The following IFT74 variants were observed in gnomAD, a reference collection of about 807,000 sequenced individuals.
The protein encoded by IFT74 is intraflagellar transport 74, also known as intraflagellar transport protein 74 homolog.
In IFT74, 92 loss-of-function variants were observed where a neutral mutation model predicts 96.7. That is an observed-to-expected ratio of 0.95 (90% confidence interval 0.80 to 1.13). The LOEUF (loss-of-function observed/expected upper bound fraction) is 1.13. Among genes scored for constraint, IFT74 ranks in the 50% most tolerant of loss-of-function variants. The pLI, the probability that IFT74 is intolerant of heterozygous loss-of-function variation, is 0.00. For missense variants in IFT74, 811 were observed against 698.2 expected (o/e 1.16, Z -1.82); for synonymous variants, 223 against 213.2 (o/e 1.05, Z -0.40).
chr9:26,955,108 A>C (rs1826038262), upstream of IFT74, among the ~76,000 whole-genome samples: 1 of 152,176 alleles, frequency 6.6e-6, no homozygotes, highest in African/African-American at 2.4e-5. Flanking sequence ...CAGGGTCCTT[A>C]AGTGCAAGGA....
At chr9:26,975,919 G>A (rs75841440) in intron 2 of IFT74, among the ~76,000 whole-genome samples, 2 of 152,292 alleles carry the variant, frequency 1.3e-5, no homozygotes, top group East Asian at 3.9e-4. Context: ...TGCCACATGA[G>A]GTGACCACGG....
rs772920018 is a variant in IFT74 at position 27,012,708 on chromosome 9, G to GTTTTTTTTTTTT, written c.789+756_789+767dup. 1.7e-4 allele frequency among the ~76,000 whole-genome samples: 9 copies of GTTTTTTTTTTTT among 53,876 alleles called. 2 individuals are homozygous for GTTTTTTTTTTTT. Among genetic ancestry groups the GTTTTTTTTTTTT allele is most frequent in the African/African-American group, 6.6e-4 (8 of 12,200 alleles). 35.3% of individuals were successfully genotyped at this position (53,876 alleles called of 152,430 possible). On this transcript the variant is annotated intron_variant, in intron 10 of 19. Transcript: ENST00000380062. ...GAACAAGAGGAAAGTAAAAATGTCT[G>GTTTTTTTTTTTT]TTTTTTTTTTTTTTTTTTTTTTTTT... is the stretch of plus-strand genomic sequence containing the variant.
intron 2 of IFT74, among the ~76,000 whole-genome samples, chr9:26,966,854 A>C (rs1434509589): frequency 6.6e-6 from 1 of 151,868 alleles, no homozygotes; most frequent in Non-Finnish European, 1.5e-5. Flanking sequence ...ATGGTGAGAG[A>C]TATGGGTCTA....
intron 14 of IFT74, 110 bp from the exon 15 acceptor site, chr9:27,047,164 C>T (rs1819727891): frequency 1.7e-6 from 1 of 604,154 alleles, no homozygotes; most frequent in Non-Finnish European, 2.8e-6. Flanking sequence ...GAGTGAGACT[C>T]TGTCTCAAAA....
upstream of IFT74, among the ~76,000 whole-genome samples, chr9:26,953,579 A>G (rs1342238207): frequency 6.6e-6 from 1 of 152,222 alleles, no homozygotes; most frequent in Non-Finnish European, 1.5e-5. Context: ...GTTGATGTAC[A>G]TATTCACTAG....
intron 8 of IFT74, chr9:26,993,722 A>G (rs1827995227): frequency 6.6e-6 from 1 of 152,178 alleles, no homozygotes; most frequent in Admixed American, 6.5e-5. Flanking sequence ...CATACACAAC[A>G]TACACAGAAG....
intron 13 of IFT74, among the ~76,000 whole-genome samples, chr9:27,035,938 T>C (rs1183290550): frequency 1.3e-5 from 2 of 152,214 alleles, no homozygotes; most frequent in African/African-American, 2.4e-5. Context: ...CAAAAATCCA[T>C]GTATAACTTT....
intron 1 of IFT74, among the ~76,000 whole-genome samples, chr9:26,950,060 C>T (rs1825881776): frequency 6.6e-6 from 1 of 152,144 alleles, no homozygotes; most frequent in South Asian, 2.1e-4. Flanking sequence ...CGCCTGTAAT[C>T]CCAGCACTTT....
Position 27,008,314 on chromosome 9 carries a change from A to G in IFT74, c.588-706A>G, listed in dbSNP as rs538502847. On this transcript the variant is annotated intron_variant, in intron 8 of 19. Coordinates refer to ENST00000380062, the MANE Select transcript of IFT74 (RefSeq NM_025103.4). ...TACAGTATTTAATTTAGTCAGAAAA[A>G]CTTATGGCTAAAGGATGCTTTAAAA... Among the ~76,000 whole-genome samples, 390 of 152,098 alleles carry G rather than the reference A, an allele frequency of 2.6e-3. 2 individuals are homozygous for G. The highest frequency in any genetic ancestry group is 8.9e-3 in the African/African-American group (370 of 41,512).
chr9:27,008,906 C>T (rs1289147434), intron 8 of IFT74, 114 bp from the exon 9 acceptor site: 4 of 799,418 alleles, frequency 5.0e-6, no homozygotes, highest in Non-Finnish European at 7.6e-6. Flanking sequence ...CAGTCACACA[C>T]TGTGGTTGAA....
At chr9:27,034,695 A>AT (rs1308751003) in intron 13 of IFT74, among the ~76,000 whole-genome samples, 1 of 151,942 alleles carries the variant, frequency 6.6e-6, no homozygotes, top group African/African-American at 2.4e-5. Flanking sequence ...CACCTGGCTA[A>AT]TTTTTTGTAT....
chr9:26,984,828 A>G (rs1016692049), intron 6 of IFT74, among the ~76,000 whole-genome samples: 2 of 152,218 alleles, frequency 1.3e-5, no homozygotes, highest in Non-Finnish European at 2.9e-5. Flanking sequence ...GAAATTGCAG[A>G]GAAAAGGGAA....
chr9:27,022,796 C>CA (rs1205838213), intron 12 of IFT74, among the ~76,000 whole-genome samples: 1 of 152,026 alleles, frequency 6.6e-6, no homozygotes, highest in Non-Finnish European at 1.5e-5. Flanking sequence ...GCACGTGCCA[C>CA]CACACCGGCT....
chr9:27,038,845 C>T (rs1455100683), intron 13 of IFT74, among the ~76,000 whole-genome samples: 4 of 152,190 alleles, frequency 2.6e-5, no homozygotes, highest in Admixed American at 6.5e-5. Flanking sequence ...TGGAACAAAG[C>T]CTCCGTGTCA....
At chr9:26,983,319 C>T (rs1040451758) in intron 4 of IFT74, among the ~76,000 whole-genome samples, 1 of 152,132 alleles carries the variant, frequency 6.6e-6, no homozygotes, top group Admixed American at 6.5e-5. Context: ...TGCCTTTCTC[C>T]CCCAGGATTT....
chr9:27,032,371 C>T (rs138904179), intron 13 of IFT74, among the ~76,000 whole-genome samples: 107 of 152,224 alleles, frequency 7.0e-4, no homozygotes, highest in African/African-American at 2.2e-3. Context: ...GCATGTTCAA[C>T]GTGCCATTCA....
At chr9:26,960,231 C>G (rs890498958) in intron 1 of IFT74, among the ~76,000 whole-genome samples, 2 of 151,918 alleles carry the variant, frequency 1.3e-5, no homozygotes, top group African/African-American at 2.4e-5. Context: ...AATTTTCAGT[C>G]TCTCATACTA....
At chr9:26,984,451 T>C (rs758111782) in intron 5 of IFT74, 48 bp from the exon 6 acceptor site, 3 of 1,585,634 alleles carry the variant, frequency 1.9e-6, no homozygotes, top group Non-Finnish European at 2.6e-6. Flanking sequence ...TTTTCTTATG[T>C]ATATTTTTAT....
intron 14 of IFT74, among the ~76,000 whole-genome samples, chr9:27,046,235 A>T (rs954235212): frequency 6.6e-6 from 1 of 152,234 alleles, no homozygotes; most frequent in Admixed American, 6.5e-5. Flanking sequence ...ATGCTGAAGC[A>T]GGACATTAAA....
Sources: allele counts gnomAD v4.1 joint callset (sites outside exome capture counted in the v4.1 genomes callset), GRCh38; gene constraint gnomAD v4.1.1; transcripts MANE v1.5; gene names NCBI Gene and HGNC (gene_info 2026-07-23, HGNC 2026-07-21).